Variants in SLC29A1 observed in about 807,000 individuals in gnomAD.
The protein encoded by SLC29A1 is solute carrier family 29 member 1 (Augustine blood group), also known as equilibrative nucleoside transporter 1.
A neutral mutation model predicts 48.3 loss-of-function variants in SLC29A1; 22 were observed. The ratio of observed to expected loss-of-function variants is 0.46; its 90% CI spans 0.33 to 0.65. SLC29A1 has a LOEUF of 0.65. Ranked by LOEUF, SLC29A1 falls within the 30% of genes least tolerant of loss-of-function variation. SLC29A1 has a pLI of 0.03. For synonymous variants in SLC29A1, 228 were observed against 231.0 expected (o/e 0.99, Z 0.12); for missense variants, 491 against 575.3 (o/e 0.85, Z 1.50).
At chr6:44,222,092 AGAG>A (rs1353202278), upstream of SLC29A1, among the ~76,000 whole-genome samples, 1 of 152,188 alleles carries the variant, frequency 6.6e-6, no homozygotes, top group Non-Finnish European at 1.5e-5. Context: ...GGCAGAGGGC[AGAG>A]GAGGGCTAGG....
upstream of SLC29A1, chr6:44,221,675 G>A: frequency 7.8e-7 from 1 of 1,288,814 alleles, no homozygotes; most frequent in Non-Finnish European, 1.0e-6. This position sits in a 1 kb window ranked among gnomAD's most constrained non-coding sequence, Gnocchi z 4.2. Context: ...AAAACTCCAG[G>A]CAAGGCCTGT....
At chr6:44,220,695 C>T (rs187916969), upstream of SLC29A1, among the ~76,000 whole-genome samples, 6 of 151,160 alleles carry the variant, frequency 4.0e-5, no homozygotes, top group East Asian at 5.9e-4. Context: ...CGTGGTGGCA[C>T]GTGCCCGTAA....
Position 44,232,200 on chromosome 6 carries a change from C to A in SLC29A1, c.973+94C>A. On this transcript the variant is annotated intron_variant, in intron 10 of 12. Coordinates refer to ENST00000371755, the MANE Select transcript of SLC29A1 (RefSeq NM_001372327.1). This position sits in a 1 kb window ranked among gnomAD's most constrained non-coding sequence, Gnocchi z 4.7. ...GAGGGAGCCTGGGTCACCTTCTCCC[C>A]GTTTCCTGGGTCCATTTGCCCTTCC... 8.5e-7 allele frequency: 1 copy of A among 1,176,876 alleles called. No individual in the cohort carries two copies. 72.9% of individuals were successfully genotyped at this position (1,176,876 alleles called of 1,614,324 possible).
rs200201589 is a variant in SLC29A1 at position 44,230,365 on chromosome 6, A to T, written c.473A>T (p.Gln158Leu). The T allele has an allele frequency of 3.1e-6, 5 of 1,613,154 alleles. No homozygotes were observed. The highest frequency in any genetic ancestry group is 1.6e-4 in the Middle Eastern group (1 of 6,070). The change falls in exon 6 of 13, where the codon CAG becomes CTG. Residue 158 changes from glutamine to leucine, a missense_variant. Gln to Leu is a moderately radical substitution (Grantham distance 113). Coordinates refer to ENST00000371755, the MANE Select transcript of SLC29A1 (RefSeq NM_001372327.1). ...VLINSFGAIL[Q>L]GSLFGLAGLL... ...TCCCCAGCATTTGGTGCCATCCTGC[A>T]GGGCAGCCTGTTTGGTCTGGCTGGC...
intron 1 of SLC29A1, among the ~76,000 whole-genome samples, chr6:44,225,518 A>G (rs1225886731): frequency 1.3e-5 from 2 of 151,904 alleles, no homozygotes; most frequent in South Asian, 2.1e-4. Context: ...AAAAAAAAAA[A>G]AAAAAAGAAA....
chr6:44,229,335 G>A lies in SLC29A1; in HGVS notation c.30-55G>A. On this transcript the variant is annotated intron_variant, in intron 2 of 12. Transcript: ENST00000371755. The surrounding 1 kb of genome is among the most constrained non-coding windows in gnomAD (Gnocchi z 5.1). ...GACAGGGGCTTTCCTGGGGCTCATT[G>A]TGGAGTGGGGCAGGATGGTGCGTCA... 3.7e-6 allele frequency: 5 copies of A among 1,369,334 alleles called. No homozygotes were observed. Among genetic ancestry groups the A allele is most frequent in the Non-Finnish European group, 5.2e-6 (5 of 956,300 alleles). The allele number at this position is 1,369,334 out of a possible 1,614,324, so 84.8% of individuals were successfully genotyped here.
At position 44,223,629 on chromosome 6, in the gene SLC29A1, G is replaced by T. The variant is rs1005462973; in HGVS notation, c.-64G>T. ...GCGCGGATCTCAGCGCGGGAGCAGT[G>T]CTTCTGCGGCAGGTGCTGCCCGGGG... On this transcript the variant is annotated 5_prime_UTR_variant, in exon 1 of 13. Coordinates refer to ENST00000371755, the MANE Select transcript of SLC29A1 (RefSeq NM_001372327.1). This position sits in a 1 kb window ranked among gnomAD's most constrained non-coding sequence, Gnocchi z 5.0. The T allele has an allele frequency of 1.7e-6, 2 of 1,210,286 alleles. No individual in the cohort carries two copies. The highest frequency in any genetic ancestry group is 3.3e-5 in the African/African-American group (2 of 61,202). 75.0% of individuals were successfully genotyped at this position (1,210,286 alleles called of 1,614,324 possible). A position where few individuals can be genotyped will look rare whatever the true frequency, so the allele number is the denominator to read the frequency against.
chr6:44,231,744 T>A (rs996453938), intron 9 of SLC29A1, among the ~76,000 whole-genome samples: 1 of 152,198 alleles, frequency 6.6e-6, no homozygotes, highest in Non-Finnish European at 1.5e-5. Context: ...TTCTCCTGCC[T>A]CAGCCTCCCA....
Position 44,232,259 on chromosome 6 carries a change from G to A in SLC29A1, c.974-84G>A. 1.7e-6 allele frequency: 2 copies of A among 1,182,322 alleles called. No individual in the cohort carries two copies. The highest frequency in any genetic ancestry group is 1.3e-6 in the Non-Finnish European group (1 of 787,036). The allele number at this position is 1,182,322 out of a possible 1,614,324, so 73.2% of individuals were successfully genotyped here. A position where few individuals can be genotyped will look rare whatever the true frequency, so the allele number is the denominator to read the frequency against. ...GAAGCATCTTCTCCATTTTACTGTT[G>A]GGGAAGCTGAGGCCCAGTGAAGGTT... On this transcript the variant is annotated intron_variant, in intron 10 of 12. Coordinates refer to ENST00000371755, the MANE Select transcript of SLC29A1 (RefSeq NM_001372327.1). This position sits in a 1 kb window ranked among gnomAD's most constrained non-coding sequence, Gnocchi z 4.7.
chr6:44,231,241 T>C, intron 8 of SLC29A1, 123 bp from the exon 9 acceptor site: 1 of 695,488 alleles, frequency 1.4e-6, no homozygotes, highest in Non-Finnish European at 2.6e-6. Context: ...AGGGTTAGAG[T>C]ACGGCTGGGA....
chr6:44,226,132 T>A, intron 1 of SLC29A1: 1 of 985,304 alleles, frequency 1.0e-6, no homozygotes, highest in Non-Finnish European at 1.2e-6. Context: ...AGGCTTGCTC[T>A]GCTCTGACCC....
In SLC29A1 at chr6:44,229,704, T is replaced by C; in HGVS notation, c.227T>C (p.Leu76Pro). 2.5e-6 allele frequency: 4 copies of C among 1,614,028 alleles called. No homozygotes were observed. The highest frequency in any genetic ancestry group is 3.4e-6 in the Non-Finnish European group (4 of 1,180,042). ...PAAPLPERNSLSAIFNNVMTL... is the reference protein window; with the variant it reads ...PAAPLPERNSPSAIFNNVMTL... ...GCACCCTTGCCTGAGCGGAACTCTC[T>C]CAGTGCCATCTTCAACAATGTCATG... The change falls in exon 4 of 13, where the codon CTC (leucine) becomes CCC (proline). Residue 76 changes from leucine to proline, a missense_variant. By Grantham distance (98) the Leu-to-Pro change is moderately conservative (BLOSUM62 -3). Transcript: ENST00000371755. The surrounding 1 kb of genome is among the most constrained non-coding windows in gnomAD (Gnocchi z 5.1).
At chr6:44,226,539 A>G (rs1479916077) in intron 1 of SLC29A1, 2 of 161,014 alleles carry the variant, frequency 1.2e-5, no homozygotes, top group Non-Finnish European at 2.6e-5. Flanking sequence ...ATCCATTATG[A>G]AATATTTTCT....
intron 9 of SLC29A1, 128 bp downstream of exon 9, chr6:44,231,589 GTGCGTGCGTGCCCA>G (rs953841960): frequency 2.1e-5 from 14 of 677,760 alleles, no homozygotes; most frequent in African/African-American, 9.0e-5. Context: ...TCTTTTGTGT[GTGCGTGCGTGCCCA>G]TGCGTGCGTG....
At chr6:44,220,255 G>A (rs1041690787), upstream of SLC29A1, among the ~76,000 whole-genome samples, 1 of 151,706 alleles carries the variant, frequency 6.6e-6, no homozygotes, top group African/African-American at 2.4e-5. Flanking sequence ...ACAGCCTACT[G>A]CAGCCTCGAC....
Position 44,223,821 on chromosome 6 carries a change from A to G in SLC29A1, c.-52+180A>G. On this transcript the variant is annotated intron_variant, in intron 1 of 12. Transcript: ENST00000371755. The surrounding 1 kb of genome is among the most constrained non-coding windows in gnomAD (Gnocchi z 5.0). ...GCGCAGCACGTGGCGCGCACGGGCC[A>G]GGGAGCCTGAGGACCCTGCGGGGAC... 1 of 1,014,206 alleles carries G rather than the reference A, an allele frequency of 9.9e-7. No individual in the cohort carries two copies. The highest frequency in any genetic ancestry group is 1.2e-6 in the Non-Finnish European group (1 of 847,032). 62.8% of individuals were successfully genotyped at this position (1,014,206 alleles called of 1,614,324 possible).
chr6:44,232,922 A>G lies in SLC29A1; in HGVS notation c.1175A>G (p.His392Arg). Residue 392 changes from histidine to arginine, a missense_variant, in exon 12 of 13, where the codon CAC (histidine) becomes CGC (arginine). His to Arg is a conservative substitution (Grantham distance 29). Transcript: ENST00000371755. This position sits in a 1 kb window ranked among gnomAD's most constrained non-coding sequence, Gnocchi z 4.7. ...PRRYLTVVFE[H>R]DAWFIFFMAA... ...CGCTACCTGACTGTGGTCTTCGAGCACGATGCCTGGTTCATCTTCTTCATG... is the reference window on the plus strand; with the variant it reads ...CGCTACCTGACTGTGGTCTTCGAGCGCGATGCCTGGTTCATCTTCTTCATG... 1.2e-6 allele frequency: 2 copies of G among 1,614,180 alleles called. No homozygotes were observed. The highest frequency in any genetic ancestry group is 1.7e-6 in the Non-Finnish European group (2 of 1,180,046).
chr6:44,220,686 G>A (rs376638810), upstream of SLC29A1, among the ~76,000 whole-genome samples: 1 of 151,150 alleles, frequency 6.6e-6, no homozygotes, highest in Non-Finnish European at 1.5e-5. Context: ...TTAGCTGGGC[G>A]TGGTGGCACG....
At chr6:44,221,383 AAC>A (rs893039163), upstream of SLC29A1, among the ~76,000 whole-genome samples, 1 of 152,184 alleles carries the variant, frequency 6.6e-6, no homozygotes, top group African/African-American at 2.4e-5. The surrounding 1 kb of genome is among the most constrained non-coding windows in gnomAD (Gnocchi z 4.2). Context: ...ACTTCCAGCA[AAC>A]ACACATGACT....
Sources: gnomAD v4.1 joint callset for allele counts (sites outside exome capture counted in the v4.1 genomes callset) on GRCh38, gnomAD v4.1.1 for gene constraint, Gnocchi (gnomAD v3.1) non-coding constraint, MANE v1.5 for transcripts, NCBI Gene and HGNC (gene_info 2026-07-23, HGNC 2026-07-21) for gene names.